AOPEP: variants seen among roughly 807,000 people sequenced by gnomAD.
The protein encoded by AOPEP is aminopeptidase O.
Under a neutral mutation model 98.1 loss-of-function variants are expected in AOPEP, and 77 were observed. The ratio of observed to expected loss-of-function variants is 0.78; its 90% CI spans 0.65 to 0.95. AOPEP has a LOEUF of 0.95. AOPEP is among the 40% of genes least tolerant of loss of function. AOPEP has a pLI of 0.00. For synonymous variants in AOPEP, 346 were observed against 365.3 expected, an observed-to-expected ratio of 0.95 and a Z score of 0.60; for missense variants, 1,024 against 1,024.7, an observed-to-expected ratio of 1.00 and a Z score of 0.01.
At chr9:94,902,279 A>G (rs543251282) in intron 5 of AOPEP, among the ~76,000 whole-genome samples, 32 of 152,318 alleles carry the variant, frequency 2.1e-4, no homozygotes, top group African/African-American at 7.7e-4. Context: ...GAGAAAGGAA[A>G]CTAATAAAGC....
intron 5 of AOPEP, among the ~76,000 whole-genome samples, chr9:94,844,864 T>G (rs1225917176): frequency 6.6e-6 from 1 of 152,140 alleles, no homozygotes; most frequent in Non-Finnish European, 1.5e-5. Flanking sequence ...TGGGATGGTA[T>G]GGTACCTGTG....
intron 11 of AOPEP, among the ~76,000 whole-genome samples, chr9:94,985,825 C>G (rs1006766844): frequency 6.6e-6 from 1 of 152,178 alleles, no homozygotes; most frequent in South Asian, 2.1e-4. Flanking sequence ...GGAATAGGTT[C>G]TGCGGCCTCA....
chr9:95,002,228 C>G (rs574203036), intron 11 of AOPEP, among the ~76,000 whole-genome samples: 1 of 152,232 alleles, frequency 6.6e-6, no homozygotes, highest in Admixed American at 6.5e-5. Context: ...AGACTTCTCC[C>G]CCTTGAAATT....
intron 1 of AOPEP, among the ~76,000 whole-genome samples, chr9:94,730,934 A>G (rs1381798119): frequency 6.6e-6 from 1 of 152,252 alleles, no homozygotes; most frequent in African/African-American, 2.4e-5. Context: ...TGTTAAAGAA[A>G]AAAAAGACGA....
chr9:94,929,017 G>C (rs2054846431), intron 7 of AOPEP, among the ~76,000 whole-genome samples: 1 of 152,182 alleles, frequency 6.6e-6, no homozygotes, highest in Non-Finnish European at 1.5e-5. Context: ...TCCATGGCCA[G>C]CTCCTGAGTT....
At chr9:95,043,300 G>GTGCATATACAGATGTATCTGTA (rs2065527558) in intron 13 of AOPEP, among the ~76,000 whole-genome samples, 1 of 86,764 alleles carries the variant, frequency 1.2e-5, no homozygotes, top group Non-Finnish European at 2.8e-5. Flanking sequence ...ATCTGTATAT[G>GTGCATATACAGATGTATCTGTA]CACATATACA....
At chr9:94,773,939 C>G (rs1841469873) in intron 3 of AOPEP, among the ~76,000 whole-genome samples, 1 of 152,042 alleles carries the variant, frequency 6.6e-6, no homozygotes, top group South Asian at 2.1e-4. Flanking sequence ...CTAATTTTTG[C>G]ACTTTTTTTG....
chr9:94,785,162 C>T (rs896896350), intron 3 of AOPEP, among the ~76,000 whole-genome samples: 13 of 144,956 alleles, frequency 9.0e-5, no homozygotes, highest in South Asian at 2.2e-4. Flanking sequence ...CTCAAACTCC[C>T]GATCTCAGGT....
At chr9:94,858,805 G>T (rs2044556044) in intron 5 of AOPEP, among the ~76,000 whole-genome samples, 1 of 152,100 alleles carries the variant, frequency 6.6e-6, no homozygotes, top group South Asian at 2.1e-4. Context: ...TCTCAGCACT[G>T]TGGGAGGCCA....
Position 95,086,807 on chromosome 9 carries a change from C to T in AOPEP, c.*130C>T. 15 of 988,012 alleles carry T rather than the reference C, an allele frequency of 1.5e-5. No individual in the cohort carries two copies. The highest frequency in any genetic ancestry group is 1.8e-5 in the Non-Finnish European group (15 of 830,124). 61.2% of individuals were successfully genotyped at this position (988,012 alleles called of 1,614,324 possible). Reference sequence around the variant, plus strand: ...AGCCATCGGCCCACAGCCCTGTTCACATCTTGGTGCTTCTCTTTCCCAGAG... The same window carrying T: ...AGCCATCGGCCCACAGCCCTGTTCATATCTTGGTGCTTCTCTTTCCCAGAG... On this transcript the variant is annotated 3_prime_UTR_variant, in exon 17 of 17. Coordinates refer to ENST00000375315, the MANE Select transcript of AOPEP (RefSeq NM_001193329.3).
chr9:94,896,603 A>G (rs893441821), intron 5 of AOPEP, among the ~76,000 whole-genome samples: 8 of 152,214 alleles, frequency 5.3e-5, no homozygotes, highest in Non-Finnish European at 7.3e-5. Context: ...TTATATCTCT[A>G]TTCTTTTTCC....
At chr9:95,072,005 G>T (rs1037340046) in intron 14 of AOPEP, among the ~76,000 whole-genome samples, 2 of 152,118 alleles carry the variant, frequency 1.3e-5, no homozygotes, top group African/African-American at 2.4e-5. Flanking sequence ...AAACCCACTC[G>T]GGCCGTTGTT....
At chr9:95,065,916 G>T (rs571547952) in intron 14 of AOPEP, among the ~76,000 whole-genome samples, 1 of 152,342 alleles carries the variant, frequency 6.6e-6, no homozygotes, top group South Asian at 2.1e-4. Context: ...CCTGTGAATA[G>T]TGTGACTTCA....
At chr9:95,103,755 G>A in the AOPEP span, among the ~76,000 whole-genome samples, 1 of 152,240 alleles carries the variant, frequency 6.6e-6, no homozygotes, top group African/African-American at 2.4e-5. Flanking sequence ...CAGGTGCCTG[G>A]AGAAGAGCCC....
chr9:94,826,262 G>A (rs1854525010), intron 5 of AOPEP, among the ~76,000 whole-genome samples: 1 of 152,174 alleles, frequency 6.6e-6, no homozygotes, highest in African/African-American at 2.4e-5. Flanking sequence ...GCCAAGGAGT[G>A]CACAGCAGCC....
chr9:95,020,871 A>C (rs2063392993), intron 13 of AOPEP, among the ~76,000 whole-genome samples: 1 of 140,916 alleles, frequency 7.1e-6, no homozygotes, highest in Non-Finnish European at 1.5e-5. Flanking sequence ...TTAAGCCGAG[A>C]TTGCGCCACT....
chr9:95,034,793 T>C (rs1250524874), intron 13 of AOPEP, among the ~76,000 whole-genome samples: 3 of 152,204 alleles, frequency 2.0e-5, no homozygotes, highest in Non-Finnish European at 4.4e-5. Context: ...CCTGGTTTGC[T>C]GATACAGATC....
At chr9:94,945,842 A>G (rs545934203) in intron 7 of AOPEP, among the ~76,000 whole-genome samples, 87 of 152,228 alleles carry the variant, frequency 5.7e-4, no homozygotes, top group African/African-American at 2.0e-3. Flanking sequence ...AATGCAATAC[A>G]GAAAAAGTTT....
At chr9:94,861,294 T>C (rs1488809743) in intron 5 of AOPEP, among the ~76,000 whole-genome samples, 11 of 152,164 alleles carry the variant, frequency 7.2e-5, no homozygotes, top group Admixed American at 7.2e-4. Context: ...CAGATGACAT[T>C]GCAACTGAGG....
Sources: allele counts gnomAD v4.1 joint callset (sites outside exome capture counted in the v4.1 genomes callset), GRCh38; gene constraint gnomAD v4.1.1; transcripts MANE v1.5; gene names NCBI Gene and HGNC (gene_info 2026-07-23, HGNC 2026-07-21).